The following ATRX variants were observed in gnomAD, a reference collection of about 807,000 sequenced individuals.
ATRX encodes ATRX chromatin remodeler.
ATRX carries 12 observed loss-of-function variants against 172.6 expected under a neutral mutation model. The observed-to-expected ratio is 0.07, with a 90% CI of 0.04 to 0.11. The LOEUF is 0.11. Among genes scored for constraint, ATRX ranks in the 10% least tolerant of loss-of-function variants. The probability of loss-of-function intolerance (pLI) is 1.00; values close to 1 mark genes in which losing one functional copy is unlikely to be tolerated. For missense variants in ATRX, 1,368 were observed against 1,767.4 expected (o/e 0.77, Z 4.05); for synonymous variants, 674 against 594.7 (o/e 1.13, Z -1.94).
At chrX:77,568,624 A>T (rs1461196755) in intron 28 of ATRX, among the ~76,000 whole-genome samples, 1 of 112,140 alleles carries the variant, frequency 8.9e-6, no homozygotes, top group Non-Finnish European at 1.9e-5. Context: ...TATGAGGTCG[A>T]TATTAACCTG....
At chrX:77,667,848 T>C (rs1557127232) in intron 10 of ATRX, among the ~76,000 whole-genome samples, 1 of 111,868 alleles carries the variant, frequency 8.9e-6, no homozygotes, top group African/African-American at 3.2e-5. Flanking sequence ...CATAGTACAT[T>C]CAGAAGCCAA....
At chrX:77,601,745 A>G (rs2066684658) in intron 22 of ATRX, among the ~76,000 whole-genome samples, 1 of 111,897 alleles carries the variant, frequency 8.9e-6, no homozygotes, top group Non-Finnish European at 1.9e-5. Context: ...TGTTTAAATA[A>G]TTAGCAAATT....
At chrX:77,542,138 G>C (rs1305871150) in intron 30 of ATRX, among the ~76,000 whole-genome samples, 1 of 111,877 alleles carries the variant, frequency 8.9e-6, no homozygotes, top group African/African-American at 3.2e-5. Flanking sequence ...CAAAATCAAT[G>C]TGCAAAAATC....
chrX:77,625,020 A>C (rs782632801), intron 19 of ATRX, among the ~76,000 whole-genome samples: 18 of 112,382 alleles, frequency 1.6e-4, no homozygotes, highest in Non-Finnish European at 2.8e-4. Context: ...TCACCAAAAA[A>C]GCTTGGTACT....
chrX:77,757,826 C>G (rs1191917079), intron 1 of ATRX, among the ~76,000 whole-genome samples: 1 of 109,300 alleles, frequency 9.1e-6, no homozygotes, highest in East Asian at 2.9e-4. Context: ...CCCCTGCCAC[C>G]ACGCTCAGCT....
chrX:77,639,562 G>A (rs1321463000), intron 15 of ATRX, among the ~76,000 whole-genome samples: 2 of 111,480 alleles, frequency 1.8e-5, no homozygotes, highest in Non-Finnish European at 3.8e-5. Flanking sequence ...TGTCTTAAGA[G>A]GTTAAGTGTG....
In ATRX at chrX:77,765,031, G is replaced by C. The variant is rs1435398878; in HGVS notation, c.20+20951C>G. On this transcript the variant is annotated intron_variant, in intron 1 of 34. Transcript: ENST00000373344. The stretch of plus-strand genomic sequence containing the variant: ...CCTCTACAAAAATTAGTCAGGTGTG[G>C]TGGTGGGTGCCTGTAATCCCAGCTA... Among the ~76,000 whole-genome samples, 11 of 110,820 alleles carry C rather than the reference G, an allele frequency of 9.9e-5. 1 individual carries two copies. The highest frequency in any genetic ancestry group is 3.3e-4 in the African/African-American group (10 of 30,441).
intron 1 of ATRX, among the ~76,000 whole-genome samples, chrX:77,728,474 T>C (rs1211973335): frequency 8.9e-6 from 1 of 111,844 alleles, no homozygotes; most frequent in African/African-American, 3.2e-5. Context: ...TAGAAACTTT[T>C]GAAATAGTAC....
chrX:77,719,881 T>C (rs1350125703), intron 1 of ATRX, among the ~76,000 whole-genome samples: 1 of 111,928 alleles, frequency 8.9e-6, no homozygotes, highest in African/African-American at 3.2e-5. Flanking sequence ...AGAATATACA[T>C]TCTTCTCAGC....
intron 2 of ATRX, among the ~76,000 whole-genome samples, chrX:77,706,384 A>T (rs781843904): frequency 1.2e-4 from 13 of 111,005 alleles, no homozygotes; most frequent in Non-Finnish European, 2.1e-4. Flanking sequence ...CCTACAAAAA[A>T]TGAAGCTGGA....
chrX:77,593,589 T>A (rs1557082201), intron 26 of ATRX, 107 bp downstream of exon 26: 2 of 879,886 alleles, frequency 2.3e-6, no homozygotes, highest in Non-Finnish European at 1.6e-6. Flanking sequence ...ATAAATCACA[T>A]CTTTAGGAAG....
At chrX:77,688,693 A>T in intron 7 of ATRX, 125 bp downstream of exon 7, 1 of 552,497 alleles carries the variant, frequency 1.8e-6, no homozygotes, top group Non-Finnish European at 3.1e-6. Context: ...TTTCCCCACT[A>T]TAGTAGAAGT....
At chrX:77,520,565 G>A (rs2063197480) in intron 34 of ATRX, among the ~76,000 whole-genome samples, 1 of 111,944 alleles carries the variant, frequency 8.9e-6, no homozygotes, top group South Asian at 3.7e-4. Context: ...TAGATCATAT[G>A]TAAACTTCAA....
intron 22 of ATRX, among the ~76,000 whole-genome samples, chrX:77,612,167 G>C (rs1327364892): frequency 2.2e-4 from 24 of 110,620 alleles, no homozygotes; most frequent in African/African-American, 7.5e-4. Flanking sequence ...TGGTTCTTAA[G>C]CTGATGGTCC....
intron 30 of ATRX, among the ~76,000 whole-genome samples, chrX:77,533,927 T>C (rs1422155042): frequency 1.8e-5 from 2 of 112,345 alleles, no homozygotes; most frequent in Non-Finnish European, 3.8e-5. Flanking sequence ...TACTTTATCA[T>C]CTATTTAATC....
At chrX:77,531,823 GA>G (rs1226022021) in intron 30 of ATRX, among the ~76,000 whole-genome samples, 1 of 111,667 alleles carries the variant, frequency 9.0e-6, no homozygotes, top group African/African-American at 3.3e-5. Context: ...ATTCAAATAG[GA>G]AGAGAGGAAG....
At chrX:77,678,235 A>AT (rs2071006265) in intron 9 of ATRX, among the ~76,000 whole-genome samples, 1 of 64,072 alleles carries the variant, frequency 1.6e-5, no homozygotes, top group South Asian at 6.7e-4. Context: ...AAAAAAAAAA[A>AT]GAGACAGACA....
At chrX:77,662,820 A>T (rs911241935) in intron 12 of ATRX, among the ~76,000 whole-genome samples, 2 of 110,052 alleles carry the variant, frequency 1.8e-5, no homozygotes, top group Non-Finnish European at 3.8e-5. Flanking sequence ...CTCAGCCTCC[A>T]GAGTAGCTGG....
intron 1 of ATRX, among the ~76,000 whole-genome samples, chrX:77,771,725 C>T (rs2076158967): frequency 8.9e-6 from 1 of 111,850 alleles, no homozygotes; most frequent in African/African-American, 3.3e-5. Flanking sequence ...TTTACTCCTC[C>T]ACTTAGCTCA....
Sources: gnomAD v4.1 joint callset for allele counts (sites outside exome capture counted in the v4.1 genomes callset) on GRCh38, gnomAD v4.1.1 for gene constraint, MANE v1.5 for transcripts, NCBI Gene and HGNC (gene_info 2026-07-23, HGNC 2026-07-21) for gene names.